Variants in ABTB2 observed in about 807,000 individuals in gnomAD.
The protein encoded by ABTB2 is ankyrin repeat and BTB domain containing 2.
Under a neutral mutation model 104.1 loss-of-function variants are expected in ABTB2, and 56 were observed. The observed-to-expected ratio is 0.54, with a 90% CI of 0.43 to 0.67. ABTB2 has a LOEUF of 0.67. Ranked by LOEUF, ABTB2 falls within the 30% of genes least tolerant of loss-of-function variation. The pLI is 0.00. For missense variants in ABTB2, 1,279 were observed against 1,407.7 expected, an observed-to-expected ratio of 0.91 and a Z score of 1.46; for synonymous variants, 606 against 608.2, an observed-to-expected ratio of 1.00 and a Z score of 0.05.
chr11:34,199,253 C>A (rs1853306049), intron 2 of ABTB2, among the ~76,000 whole-genome samples: 1 of 152,154 alleles, frequency 6.6e-6, no homozygotes, highest in Admixed American at 6.5e-5. Flanking sequence ...AATGACACCC[C>A]TGGAGTTTGA....
rs375533362 is a variant in ABTB2, at chr11:34,217,597, C to A, written c.884-12907G>T. 1.2e-4 allele frequency among the ~76,000 whole-genome samples: 18 copies of A among 152,100 alleles called. No individual in the cohort carries two copies. In the South Asian group the frequency reaches 3.7e-3, roughly 32 times the overall value. ...CTGCCTCAGCCTCCCGAGTAGCTGG[C>A]CTTACAGGCACCTGCCACCATGACT... is the stretch of plus-strand genomic sequence containing the variant. On this transcript the variant is annotated intron_variant, in intron 1 of 16. Transcript: ENST00000435224.
At chr11:34,285,666 T>C (rs1013440192) in intron 1 of ABTB2, among the ~76,000 whole-genome samples, 1 of 152,142 alleles carries the variant, frequency 6.6e-6, no homozygotes, top group African/African-American at 2.4e-5. Flanking sequence ...AATGCTAGAT[T>C]CACTCAGGGA....
chr11:34,349,532 A>G (rs1054474789), intron 1 of ABTB2, among the ~76,000 whole-genome samples: 2 of 152,208 alleles, frequency 1.3e-5, no homozygotes, highest in African/African-American at 4.8e-5. Flanking sequence ...AAAAATGAAC[A>G]CAATCAGTGG....
chr11:34,167,371 C>G lies in ABTB2; in HGVS notation c.1654-11G>C. ...GGAGTTGCTTGGAACCTGGAAAATA[C>G]CACAAATCATCTGTGTTTTCTGGGC... On this transcript the variant is annotated splice_polypyrimidine_tract_variant and intron_variant, in intron 6 of 16. Coordinates refer to ENST00000435224, the MANE Select transcript of ABTB2 (RefSeq NM_145804.3). 1 of 1,609,490 alleles carries G rather than the reference C, an allele frequency of 6.2e-7. No homozygotes were observed. Among genetic ancestry groups the G allele is most frequent in the East Asian group, 2.2e-5 (1 of 44,778 alleles).
intron 3 of ABTB2, among the ~76,000 whole-genome samples, chr11:34,184,860 T>C (rs1419569200): frequency 8.5e-5 from 13 of 152,220 alleles, no homozygotes; most frequent in Non-Finnish European, 4.4e-5. Flanking sequence ...TGAGCGGTGT[T>C]TGTGGTGGCT....
intron 1 of ABTB2, among the ~76,000 whole-genome samples, chr11:34,208,316 T>G (rs1853434761): frequency 6.6e-6 from 1 of 152,202 alleles, no homozygotes; most frequent in South Asian, 2.1e-4. Flanking sequence ...AATTCTTCCT[T>G]TCTGTCATGA....
intron 1 of ABTB2, among the ~76,000 whole-genome samples, chr11:34,219,728 G>A (rs575904280): frequency 6.6e-6 from 1 of 152,244 alleles, no homozygotes; most frequent in South Asian, 2.1e-4. Context: ...GGAGCACTTG[G>A]ATATACCATA....
intron 1 of ABTB2, among the ~76,000 whole-genome samples, chr11:34,290,860 A>T (rs1854559182): frequency 6.6e-6 from 1 of 152,176 alleles, no homozygotes; most frequent in Non-Finnish European, 1.5e-5. Context: ...AGCTTAAACT[A>T]TTTCTCATGT....
chr11:34,352,844 C>T (rs1590267887), intron 1 of ABTB2, among the ~76,000 whole-genome samples: 1 of 152,100 alleles, frequency 6.6e-6, no homozygotes, highest in South Asian at 2.1e-4. Flanking sequence ...TCCCTTGAGC[C>T]CAGGAGTTTA....
At chr11:34,330,104 C>T (rs1368676654) in intron 1 of ABTB2, among the ~76,000 whole-genome samples, 1 of 152,174 alleles carries the variant, frequency 6.6e-6, no homozygotes, top group Non-Finnish European at 1.5e-5. Context: ...AAGCACTGAT[C>T]TCAGGACTCC....
At chr11:34,293,604 C>T (rs905769168) in intron 1 of ABTB2, among the ~76,000 whole-genome samples, 2 of 151,774 alleles carry the variant, frequency 1.3e-5, no homozygotes, top group African/African-American at 2.4e-5. Context: ...GAATAAGTGC[C>T]CAGCTGTGTC....
intron 1 of ABTB2, among the ~76,000 whole-genome samples, chr11:34,232,624 A>T (rs1229548224): frequency 6.6e-6 from 1 of 151,982 alleles, no homozygotes; most frequent in East Asian, 1.9e-4. Context: ...GTATCTACTC[A>T]TTTACATATC....
At chr11:34,182,490 G>T (rs1399716544) in intron 3 of ABTB2, among the ~76,000 whole-genome samples, 1 of 136,202 alleles carries the variant, frequency 7.3e-6, no homozygotes, top group Admixed American at 7.2e-5. Context: ...TGGGGCATTG[G>T]GTTCTCTGGG....
intron 1 of ABTB2, among the ~76,000 whole-genome samples, chr11:34,334,016 GAA>G (rs5790985): frequency 1.0e-3 from 122 of 119,938 alleles, no homozygotes; most frequent in Admixed American, 1.6e-3. Flanking sequence ...AGCCACAGGT[GAA>G]AAAAAAAAAA....
chr11:34,345,658 C>T (rs1174123204), intron 1 of ABTB2, among the ~76,000 whole-genome samples: 1 of 152,096 alleles, frequency 6.6e-6, no homozygotes, highest in Non-Finnish European at 1.5e-5. Context: ...GGCAGCCCTA[C>T]CCCTGAGGCC....
At position 34,246,430 on chromosome 11, in the gene ABTB2, T is replaced by C. The variant is rs1056082424; in HGVS notation, c.884-41740A>G. On this transcript the variant is annotated intron_variant, in intron 1 of 16. Coordinates refer to ENST00000435224, the MANE Select transcript of ABTB2 (RefSeq NM_145804.3). ...CAGCCTGACCAACATGGAGAAACTCTGTCTTTACTAAAAATACAAAATTAG... is the reference window on the plus strand; with the variant it reads ...CAGCCTGACCAACATGGAGAAACTCCGTCTTTACTAAAAATACAAAATTAG... Among the ~76,000 whole-genome samples the C allele has an allele frequency of 5.9e-5, 9 of 152,104 alleles. No homozygotes were observed. The East Asian group carries it at 9.7e-4, about 16-fold the overall frequency.
Position 34,357,091 on chromosome 11 carries a change from C to A in ABTB2, c.493G>T (p.Val165Leu), listed in dbSNP as rs762873492. The A allele has an allele frequency of 6.6e-7, 1 of 1,520,466 alleles. No homozygotes were observed. Among genetic ancestry groups the A allele is most frequent in the Non-Finnish European group, 8.8e-7 (1 of 1,137,778 alleles). 94.2% of individuals were successfully genotyped at this position (1,520,466 alleles called of 1,614,324 possible). A position where few individuals can be genotyped will look rare whatever the true frequency, so the allele number is the denominator to read the frequency against. ...CTCTCGGCCAGCGCCCAGCTGTGCA[C>A]CAGGCGCACGGCGCTCTGCACCTCA... ...RFEVQSAVRL[V>L]HSWALAESCA... is the part of the protein sequence containing the mutation. The change falls in exon 1 of 17, where the codon GTG becomes TTG. Residue 165 changes from valine to leucine, a missense_variant. Transcript: ENST00000435224.
At chr11:34,327,468 T>C (rs1855084257) in intron 1 of ABTB2, among the ~76,000 whole-genome samples, 1 of 152,102 alleles carries the variant, frequency 6.6e-6, no homozygotes, top group Non-Finnish European at 1.5e-5. Flanking sequence ...GTGGCCTGGC[T>C]CTCACTCTCA....
At chr11:34,258,703 C>T (rs1854154083) in intron 1 of ABTB2, among the ~76,000 whole-genome samples, 1 of 150,980 alleles carries the variant, frequency 6.6e-6, no homozygotes, top group Non-Finnish European at 1.5e-5. Context: ...CCTCCACCTC[C>T]TGGGCTCAAG....
Sources: allele counts gnomAD v4.1 joint callset (sites outside exome capture counted in the v4.1 genomes callset), GRCh38; gene constraint gnomAD v4.1.1; transcripts MANE v1.5; gene names NCBI Gene and HGNC (gene_info 2026-07-23, HGNC 2026-07-21).